Variants in RBFOX2 observed in about 807,000 individuals in gnomAD.
RBFOX2 encodes the protein RNA binding protein fox-1 homolog 2.
A neutral mutation model predicts 49.1 loss-of-function variants in RBFOX2; 10 were observed. The ratio of observed to expected loss-of-function variants is 0.20; its 90% CI spans 0.13 to 0.35. The LOEUF (loss-of-function observed/expected upper bound fraction) is 0.35, where lower values mean the gene tolerates loss of function less well. Ranked by LOEUF, RBFOX2 falls within the 10% of genes least tolerant of loss-of-function variation. The pLI is 1.00. For missense variants in RBFOX2, 323 were observed against 486.9 expected (o/e 0.66, Z 3.17); for synonymous variants, 183 against 187.4 (o/e 0.98, Z 0.19).
intron 2 of RBFOX2, among the ~76,000 whole-genome samples, chr22:35,806,115 C>CT (rs999161822): frequency 3.3e-5 from 5 of 152,084 alleles, no homozygotes; most frequent in Non-Finnish European, 2.9e-5. Flanking sequence ...AGAGTAAACT[C>CT]TAACAGACTT....
intron 1 of RBFOX2, among the ~76,000 whole-genome samples, chr22:35,902,078 T>C (rs1447140559): frequency 6.6e-6 from 1 of 151,410 alleles, no homozygotes; most frequent in Non-Finnish European, 1.5e-5. Flanking sequence ...AGACTCTGTC[T>C]CAAAAAAAAA....
intron 1 of RBFOX2, among the ~76,000 whole-genome samples, chr22:35,877,382 A>G (rs918235022): frequency 6.6e-6 from 1 of 152,184 alleles, no homozygotes; most frequent in Non-Finnish European, 1.5e-5. Context: ...ACTGGAGGTG[A>G]AGGGTAGAAA....
At chr22:35,959,846 A>C (rs2056001920) in intron 1 of RBFOX2, among the ~76,000 whole-genome samples, 1 of 152,176 alleles carries the variant, frequency 6.6e-6, no homozygotes, top group Admixed American at 6.5e-5. Flanking sequence ...AGACACCAAA[A>C]TCCACAGATG....
chr22:35,873,017 A>G (rs1451559490), intron 1 of RBFOX2, among the ~76,000 whole-genome samples: 1 of 152,334 alleles, frequency 6.6e-6, no homozygotes, highest in East Asian at 1.9e-4. Flanking sequence ...GTAGCTGATA[A>G]TCAGCAACTT....
intron 9 of RBFOX2, among the ~76,000 whole-genome samples, chr22:35,754,353 A>C (rs1288857236): frequency 6.6e-6 from 1 of 152,138 alleles, no homozygotes; most frequent in African/African-American, 2.4e-5. Flanking sequence ...GGCCTCCCAA[A>C]GTGCTGGGAT....
At chr22:35,912,916 T>C (rs897368291) in intron 1 of RBFOX2, among the ~76,000 whole-genome samples, 1 of 152,198 alleles carries the variant, frequency 6.6e-6, no homozygotes, top group Admixed American at 6.5e-5. Flanking sequence ...CCTCTTAACC[T>C]GTTTTGTAAT....
At chr22:35,915,450 C>A (rs754052179) in intron 1 of RBFOX2, among the ~76,000 whole-genome samples, 7 of 152,148 alleles carry the variant, frequency 4.6e-5, no homozygotes, top group Non-Finnish European at 8.8e-5. Context: ...TTTCTCTCTC[C>A]CATTTCAAAG....
At chr22:35,971,074 C>CA (rs1451326199) in intron 1 of RBFOX2, among the ~76,000 whole-genome samples, 3 of 152,032 alleles carry the variant, frequency 2.0e-5, no homozygotes, top group Middle Eastern at 3.4e-3. Context: ...TGAGTGTCAC[C>CA]AAAAAAATCC....
At chr22:36,006,352 G>A (rs2058619043) in intron 1 of RBFOX2, among the ~76,000 whole-genome samples, 1 of 152,082 alleles carries the variant, frequency 6.6e-6, no homozygotes, top group African/African-American at 2.4e-5. Flanking sequence ...CCAAATAGAG[G>A]GAAAGTTTCT....
chr22:35,928,659 A>G (rs1035611132), intron 1 of RBFOX2, among the ~76,000 whole-genome samples: 3 of 152,254 alleles, frequency 2.0e-5, no homozygotes, highest in Non-Finnish European at 4.4e-5. Context: ...GATACATATT[A>G]CAAAACCTCA....
chr22:35,871,489 A>G (rs1401121775), intron 1 of RBFOX2, among the ~76,000 whole-genome samples: 1 of 152,234 alleles, frequency 6.6e-6, no homozygotes, highest in Non-Finnish European at 1.5e-5. Context: ...TTCAAGGTAG[A>G]AACTGGGAAA....
intron 1 of RBFOX2, among the ~76,000 whole-genome samples, chr22:35,896,231 G>A (rs915113106): frequency 6.6e-6 from 1 of 152,112 alleles, no homozygotes; most frequent in Non-Finnish European, 1.5e-5. Flanking sequence ...ATCTTCCTCA[G>A]TGGAGACCTA....
At chr22:36,004,533 C>T (rs1339893523) in intron 1 of RBFOX2, among the ~76,000 whole-genome samples, 1 of 152,128 alleles carries the variant, frequency 6.6e-6, no homozygotes, top group Admixed American at 6.5e-5. Flanking sequence ...AGGTGGTTCA[C>T]GCCTATAACC....
chr22:35,906,131 A>G (rs1190052206), intron 1 of RBFOX2, among the ~76,000 whole-genome samples: 3 of 152,216 alleles, frequency 2.0e-5, no homozygotes, highest in African/African-American at 7.2e-5. Context: ...TGCATACCGC[A>G]TATGTCATTA....
At chr22:35,792,315 CAA>C (rs1187704252) in intron 2 of RBFOX2, among the ~76,000 whole-genome samples, 4 of 36,438 alleles carry the variant, frequency 1.1e-4, no homozygotes, top group Non-Finnish European at 2.2e-4. Context: ...AACTCCGTCT[CAA>C]AAAAAAAAAA....
chr22:35,878,039 TACACACACACAC>T (rs58181557), intron 1 of RBFOX2, among the ~76,000 whole-genome samples: 96 of 141,254 alleles, frequency 6.8e-4, no homozygotes, highest in African/African-American at 2.0e-3. Context: ...CTACTACTAC[TACACACACACAC>T]ACACACACAC....
intron 1 of RBFOX2, among the ~76,000 whole-genome samples, chr22:35,881,459 T>TC (rs985983185): frequency 6.6e-6 from 1 of 151,420 alleles, no homozygotes; most frequent in East Asian, 1.9e-4. Context: ...ACATCTGTAG[T>TC]CCCACCCAGC....
intron 1 of RBFOX2, among the ~76,000 whole-genome samples, chr22:35,960,246 T>C (rs190047199): frequency 3.8e-4 from 58 of 152,290 alleles, no homozygotes; most frequent in Admixed American, 3.1e-3. Context: ...CTTTATATAT[T>C]AGCTTACTTA....
intron 1 of RBFOX2, among the ~76,000 whole-genome samples, chr22:35,876,456 T>A (rs1026440086): frequency 6.6e-6 from 1 of 151,926 alleles, no homozygotes; most frequent in African/African-American, 2.4e-5. Flanking sequence ...AGTACTGTTT[T>A]CCTTGTAACG....
Sources: allele counts gnomAD v4.1 joint callset (sites outside exome capture counted in the v4.1 genomes callset), GRCh38; gene constraint gnomAD v4.1.1; transcripts MANE v1.5; gene names NCBI Gene and HGNC (gene_info 2026-07-23, HGNC 2026-07-21).